MID1: variants seen among roughly 807,000 people sequenced by gnomAD.
MID1 encodes the protein midline 1.
A neutral mutation model predicts 40.4 loss-of-function variants in MID1; 7 were observed. The ratio of observed to expected loss-of-function variants is 0.17; its 90% confidence interval spans 0.10 to 0.33. The LOEUF (loss-of-function observed/expected upper bound fraction) is 0.33, where lower values mean the gene tolerates loss of function less well. MID1 is among the 10% of genes least tolerant of loss of function. MID1 has a pLI of 1.00. For synonymous variants in MID1, 229 were observed against 221.2 expected, an observed-to-expected ratio of 1.04 and a Z score of -0.31; for missense variants, 367 against 558.5, an observed-to-expected ratio of 0.66 and a Z score of 3.46.
At chrX:10,678,170 T>C (rs1449051897) in intron 1 of MID1, among the ~76,000 whole-genome samples, 1 of 111,767 alleles carries the variant, frequency 8.9e-6, no homozygotes, top group Non-Finnish European at 1.9e-5. Flanking sequence ...TGCCATAAAA[T>C]TATATGTAAG....
At chrX:10,809,966 C>T (rs185368586) in intron 1 of MID1, among the ~76,000 whole-genome samples, 1,390 of 111,163 alleles carry the variant, frequency 0.013, 11 homozygotes, top group Non-Finnish European at 0.02. Flanking sequence ...AGAAGCTCCT[C>T]TCTGAGAAGC....
At chrX:10,643,651 C>G (rs1770335977) in intron 1 of MID1, among the ~76,000 whole-genome samples, 2 of 111,456 alleles carry the variant, frequency 1.8e-5, no homozygotes, top group African/African-American at 6.5e-5. Flanking sequence ...CATCCCATTA[C>G]TGGGTATATA....
chrX:10,556,708 T>G (rs934004450), intron 2 of MID1, among the ~76,000 whole-genome samples: 1 of 112,343 alleles, frequency 8.9e-6, no homozygotes, highest in Non-Finnish European at 1.9e-5. Flanking sequence ...TGATGCGACA[T>G]GCAAAATGTG....
intron 3 of MID1, among the ~76,000 whole-genome samples, chrX:10,507,446 G>A (rs747051503): frequency 8.9e-6 from 1 of 112,175 alleles, no homozygotes; most frequent in South Asian, 3.7e-4. Context: ...TAATTTTTTC[G>A]AGACCACAAA....
rs187881659 is a variant in MID1 at position 10,824,010 on chromosome X, T to C, written c.-187+9544A>G. On this transcript the variant is annotated intron_variant, in intron 1 of 10. Coordinates refer to the MID1 transcript ENST00000380785. Reference sequence around the variant, plus strand: ...CATTTATAAATAAACTTTTGCATAGTCTAAAACTCATATATTGATTTATGC... The same window carrying C: ...CATTTATAAATAAACTTTTGCATAGCCTAAAACTCATATATTGATTTATGC... Among the ~76,000 whole-genome samples the C allele has an allele frequency of 2.3e-4, 26 of 112,244 alleles. No individual in the cohort carries two copies. The East Asian group carries it at 7.0e-3, about 30-fold the overall frequency.
At chrX:10,715,695 T>G (rs2043297725) in intron 1 of MID1, among the ~76,000 whole-genome samples, 2 of 111,034 alleles carry the variant, frequency 1.8e-5, no homozygotes, top group South Asian at 7.6e-4. Context: ...TTGAAGAGAG[T>G]AGCGGTTCTC....
intron 1 of MID1, among the ~76,000 whole-genome samples, chrX:10,610,881 A>G (rs1162650506): frequency 9.0e-6 from 1 of 111,715 alleles, no homozygotes; most frequent in Non-Finnish European, 1.9e-5. Context: ...GCCTATCTCA[A>G]TTACTTTCAT....
Position 10,702,996 on chromosome X carries a change from C to A in MID1, c.-186-82577G>T, listed in dbSNP as rs182764891. On this transcript the variant is annotated intron_variant, in intron 1 of 10. Coordinates refer to the MID1 transcript ENST00000380785. ...TCACCTAAAATGGAATCTGTGGACA[C>A]CTTGATCTTGGACTTTCCAGCCTCC... Among the ~76,000 whole-genome samples, 237 of 111,924 alleles carry A rather than the reference C, an allele frequency of 2.1e-3. 1 individual carries two copies. Among genetic ancestry groups the A allele is most frequent in the African/African-American group, 7.3e-3 (224 of 30,847 alleles).
intron 2 of MID1, among the ~76,000 whole-genome samples, chrX:10,524,309 T>G (rs769725083): frequency 6.6e-4 from 74 of 111,699 alleles, no homozygotes; most frequent in African/African-American, 2.1e-3. Context: ...TTGCCAGGGG[T>G]GTCCAATCTT....
Position 10,484,257 on chromosome X carries a change from A to G in MID1, c.865-1629T>C, listed in dbSNP as rs558685482. Among the ~76,000 whole-genome samples the G allele has an allele frequency of 9.5e-4, 107 of 112,571 alleles. No individual in the cohort carries two copies. In the Middle Eastern group the frequency reaches 0.014, roughly 15 times the overall value. The stretch of plus-strand genomic sequence containing the variant: ...AATGGAATATTTAATCACACAGCAT[A>G]AAGAATCATTTAAATTACATGGCCG... On this transcript the variant is annotated intron_variant, in intron 4 of 9. Transcript: ENST00000317552.
chrX:10,551,300 T>C (rs2147432343), intron 2 of MID1, among the ~76,000 whole-genome samples: 1 of 112,504 alleles, frequency 8.9e-6, no homozygotes, highest in Admixed American at 9.4e-5. Context: ...GGGCCGATTG[T>C]ATATGTACAT....
At position 10,777,199 on chromosome X, in the gene MID1, GTTTA is replaced by G. The variant is rs199860936; in HGVS notation, c.-187+56351_-187+56354del. On this transcript the variant is annotated intron_variant, in intron 1 of 10. Transcript: ENST00000380785. ...AGTTACGTACTTATTTTATTTGTTTGTTTATTTATTTATTTTTTTTGAGACGAGT... is the reference window on the plus strand; with the variant it reads ...AGTTACGTACTTATTTTATTTGTTTGTTTATTTATTTTTTTTGAGACGAGT... 9.3e-3 allele frequency among the ~76,000 whole-genome samples: 1,040 copies of G among 111,691 alleles called. 16 individuals are homozygous for G. The highest frequency in any genetic ancestry group is 0.032 in the African/African-American group (990 of 30,758).
intron 1 of MID1, among the ~76,000 whole-genome samples, chrX:10,640,708 A>G (rs1318748829): frequency 9.0e-6 from 1 of 111,471 alleles, no homozygotes; most frequent in East Asian, 2.8e-4. Flanking sequence ...TCAACAGAAT[A>G]TACATTCTTC....
At chrX:10,594,963 A>G (rs1381488271) in intron 1 of MID1, among the ~76,000 whole-genome samples, 1 of 111,992 alleles carries the variant, frequency 8.9e-6, no homozygotes, top group Non-Finnish European at 1.9e-5. Context: ...TTTGAATTTC[A>G]TTTTTTGGAG....
At chrX:10,484,924 A>C (rs1008142194) in intron 4 of MID1, among the ~76,000 whole-genome samples, 8 of 111,009 alleles carry the variant, frequency 7.2e-5, no homozygotes, top group Non-Finnish European at 1.3e-4. Context: ...GTGTGTGTGC[A>C]TGCGTGCACG....
intron 1 of MID1, among the ~76,000 whole-genome samples, chrX:10,776,345 T>C (rs1467436438): frequency 1.8e-5 from 2 of 112,042 alleles, no homozygotes; most frequent in Non-Finnish European, 3.8e-5. Flanking sequence ...TATTCCAGTA[T>C]TCAGGACAGT....
At chrX:10,756,721 C>T (rs1203384455) in intron 1 of MID1, among the ~76,000 whole-genome samples, 1 of 112,157 alleles carries the variant, frequency 8.9e-6, no homozygotes, top group Non-Finnish European at 1.9e-5. Context: ...TGGAAGAAAA[C>T]ATACAGGTTT....
intron 1 of MID1, among the ~76,000 whole-genome samples, chrX:10,804,603 T>C (rs1417606985): frequency 9.0e-6 from 1 of 111,568 alleles, no homozygotes; most frequent in Non-Finnish European, 1.9e-5. Context: ...ACTGTCATTA[T>C]ACAGGAGCAC....
intron 1 of MID1, among the ~76,000 whole-genome samples, chrX:10,715,355 T>C (rs5979350): frequency 0.17 from 18,582 of 111,402 alleles, 2,445 homozygotes; most frequent in African/African-American, 0.45. Context: ...CCTAATACTG[T>C]GCTTTTCCAA....
Sources: allele counts gnomAD v4.1 joint callset (sites outside exome capture counted in the v4.1 genomes callset), GRCh38; gene constraint gnomAD v4.1.1; transcripts MANE v1.5; gene names NCBI Gene and HGNC (gene_info 2026-07-23, HGNC 2026-07-21).